VDAC1: variants seen among roughly 807,000 people sequenced by gnomAD.
The protein encoded by VDAC1 is non-selective voltage-gated ion channel VDAC1.
Under a neutral mutation model 34.7 loss-of-function variants are expected in VDAC1, and 10 were observed. That is an observed-to-expected ratio of 0.29 (90% CI 0.18 to 0.49). The LOEUF is 0.49. Among genes scored for constraint, VDAC1 ranks in the 20% least tolerant of loss-of-function variants. VDAC1 has a pLI of 0.99. For synonymous variants in VDAC1, 130 were observed against 136.0 expected (o/e 0.96, Z 0.30); for missense variants, 230 against 347.9 (o/e 0.66, Z 2.69).
At chr5:134,014,786 A>C in the VDAC1 span, among the ~76,000 whole-genome samples, 1 of 152,180 alleles carries the variant, frequency 6.6e-6, no homozygotes, top group South Asian at 2.1e-4. Context: ...GAATCGCTTG[A>C]ACCTGGGAGG....
the VDAC1 span, among the ~76,000 whole-genome samples, chr5:134,022,068 G>A: frequency 0.25 from 37,416 of 151,880 alleles, 4,995 homozygotes; most frequent in Admixed American, 0.3. Flanking sequence ...TAGTAGAGAC[G>A]GGGTTTCTCC....
At chr5:134,076,902 C>A in the VDAC1 span, among the ~76,000 whole-genome samples, 65,092 of 151,624 alleles carry the variant, frequency 0.43, 14,893 homozygotes, top group Non-Finnish European at 0.52. Flanking sequence ...AACAGGAGAT[C>A]CGGAGGCAGG....
the VDAC1 span, among the ~76,000 whole-genome samples, chr5:134,089,325 C>T: frequency 1.3e-5 from 2 of 152,238 alleles, no homozygotes; most frequent in South Asian, 4.1e-4. Context: ...GCACTGGGAC[C>T]AAGCAATAAA....
At chr5:134,007,577 C>T (rs1463546120), upstream of VDAC1, among the ~76,000 whole-genome samples, 1 of 150,214 alleles carries the variant, frequency 6.7e-6, no homozygotes, top group Non-Finnish European at 1.5e-5. Flanking sequence ...TCTGCCACAG[C>T]TGATTGGGTC....
chr5:134,008,129 G>T (rs1263548972), upstream of VDAC1, among the ~76,000 whole-genome samples: 3 of 123,594 alleles, frequency 2.4e-5, no homozygotes, highest in African/African-American at 6.1e-5. Flanking sequence ...CCGCCTCTCC[G>T]CCCCCACATC....
chr5:134,084,636 C>T, the VDAC1 span, among the ~76,000 whole-genome samples: 3 of 152,262 alleles, frequency 2.0e-5, no homozygotes, highest in African/African-American at 7.2e-5. Context: ...ACTCTCTGTG[C>T]CTCAGTTTCC....
chr5:134,042,781 C>T, the VDAC1 span, among the ~76,000 whole-genome samples: 1 of 152,234 alleles, frequency 6.6e-6, no homozygotes, highest in Admixed American at 6.5e-5. Flanking sequence ...AGCCACCATG[C>T]CTGGCTTTGG....
intron 6 of VDAC1, among the ~76,000 whole-genome samples, chr5:133,977,984 A>G (rs1752540717): frequency 6.6e-6 from 1 of 152,164 alleles, no homozygotes; most frequent in Non-Finnish European, 1.5e-5. Context: ...AACATCTTTA[A>G]CATAAAATCA....
chr5:133,976,736 G>A (rs1202755111), intron 6 of VDAC1, among the ~76,000 whole-genome samples: 1 of 151,968 alleles, frequency 6.6e-6, no homozygotes, highest in Non-Finnish European at 1.5e-5. Flanking sequence ...TTTTATAAAC[G>A]ATTCTACCAG....
the VDAC1 span, among the ~76,000 whole-genome samples, chr5:134,098,692 G>C: frequency 2.0e-5 from 3 of 152,232 alleles, no homozygotes; most frequent in Non-Finnish European, 4.4e-5. Context: ...AGCTGGGCCT[G>C]ATCTTTTCCT....
At chr5:134,014,668 C>T in the VDAC1 span, among the ~76,000 whole-genome samples, 1 of 152,108 alleles carries the variant, frequency 6.6e-6, no homozygotes, top group Non-Finnish European at 1.5e-5. Context: ...GAGTTCAAGA[C>T]CAGCCTAGCC....
At chr5:134,014,467 G>A in the VDAC1 span, among the ~76,000 whole-genome samples, 3 of 152,160 alleles carry the variant, frequency 2.0e-5, no homozygotes, top group Non-Finnish European at 4.4e-5. Context: ...GAGAAAAGAG[G>A]ATGCTTATAC....
chr5:134,067,365 G>A, the VDAC1 span, among the ~76,000 whole-genome samples: 1 of 140,600 alleles, frequency 7.1e-6, no homozygotes, highest in Admixed American at 7.7e-5. Flanking sequence ...GTGAGCCACC[G>A]CTCCCAGTCA....
At chr5:134,022,674 G>A in the VDAC1 span, among the ~76,000 whole-genome samples, 5 of 152,216 alleles carry the variant, frequency 3.3e-5, no homozygotes, top group African/African-American at 9.7e-5. Flanking sequence ...TGAGCACTAC[G>A]AGGATGGGGG....
Position 133,976,085 on chromosome 5 carries a change from C to T in VDAC1, c.552-64G>A, listed in dbSNP as rs761830483. 13 of 1,596,922 alleles carry T rather than the reference C, an allele frequency of 8.1e-6. No homozygotes were observed. In the East Asian group the frequency reaches 2.9e-4, roughly 36 times the overall value. On this transcript the variant is annotated intron_variant, in intron 6 of 8. Transcript: ENST00000265333. ...GAGGTGAGCTGCAGCCCAGACAGAT[C>T]CACCCAAGTCTCCCAGAAGACAGGG...
intron 6 of VDAC1, 111 bp from the exon 7 acceptor site, chr5:133,976,132 A>T: frequency 7.5e-7 from 1 of 1,326,708 alleles, no homozygotes; most frequent in African/African-American, 1.5e-5. Flanking sequence ...GGACTGAACC[A>T]ATACTGGTAT....
the VDAC1 span, among the ~76,000 whole-genome samples, chr5:134,084,448 C>T: frequency 6.2e-4 from 95 of 152,216 alleles, no homozygotes; most frequent in Non-Finnish European, 1.1e-3. Flanking sequence ...GGAACTGGCC[C>T]GAACTTTGGT....
chr5:133,985,409 C>T (rs1263596253), intron 5 of VDAC1, among the ~76,000 whole-genome samples: 1 of 152,146 alleles, frequency 6.6e-6, no homozygotes, highest in Non-Finnish European at 1.5e-5. Flanking sequence ...CACCTGTAAT[C>T]CCAGCACTCC....
the VDAC1 span, among the ~76,000 whole-genome samples, chr5:134,089,210 C>A: frequency 3.9e-5 from 6 of 152,248 alleles, no homozygotes; most frequent in African/African-American, 1.4e-4. Context: ...CAAAGCTTTG[C>A]ATAGGGGCAC....
Sources: gnomAD v4.1 joint callset for allele counts (sites outside exome capture counted in the v4.1 genomes callset) on GRCh38, gnomAD v4.1.1 for gene constraint, MANE v1.5 for transcripts, NCBI Gene and HGNC (gene_info 2026-07-23, HGNC 2026-07-21) for gene names.